SLC12A3: variants seen among roughly 807,000 people sequenced by gnomAD.
The protein encoded by SLC12A3 is Na-Cl cotransporter.
SLC12A3 carries 104 observed loss-of-function variants against 121.0 expected under a neutral mutation model. The ratio of observed to expected loss-of-function variants is 0.86; its 90% CI spans 0.73 to 1.01. The LOEUF (loss-of-function observed/expected upper bound fraction) is 1.01. Ranked by LOEUF, SLC12A3 falls within the 50% of genes least tolerant of loss-of-function variation. SLC12A3 has a pLI of 0.00. For missense variants in SLC12A3, 1,328 were observed against 1,356.3 expected, an observed-to-expected ratio of 0.98 and a Z score of 0.33; for synonymous variants, 536 against 533.4, an observed-to-expected ratio of 1.00 and a Z score of -0.07.
intron 16 of SLC12A3, among the ~76,000 whole-genome samples, chr16:56,886,688 AC>A (rs1433856501): frequency 6.6e-6 from 1 of 150,932 alleles, no homozygotes; most frequent in African/African-American, 2.4e-5. Context: ...CCAGCCAGGC[AC>A]CCCCCATGGA....
chr16:56,894,280 T>C (rs2055432477), intron 21 of SLC12A3, among the ~76,000 whole-genome samples: 1 of 152,106 alleles, frequency 6.6e-6, no homozygotes, highest in Non-Finnish European at 1.5e-5. Flanking sequence ...GCTGGGATTA[T>C]AGGCATGAGC....
intron 3 of SLC12A3, among the ~76,000 whole-genome samples, chr16:56,868,725 A>G (rs1964419353): frequency 6.6e-6 from 1 of 152,172 alleles, no homozygotes; most frequent in African/African-American, 2.4e-5. Context: ...TAATCCCAGC[A>G]CTTTGGGAGG....
At chr16:56,883,139 G>A (rs2055263230) in intron 13 of SLC12A3, among the ~76,000 whole-genome samples, 1 of 152,160 alleles carries the variant, frequency 6.6e-6, no homozygotes, top group Non-Finnish European at 1.5e-5. Context: ...AGCTAGGGCT[G>A]TCACAGACAG....
Position 56,878,463 on chromosome 16 carries a change from G to GTGA in SLC12A3, c.1180+325_1180+327dup, listed in dbSNP as rs34584723. 3.7e-3 allele frequency among the ~76,000 whole-genome samples: 564 copies of GTGA among 151,742 alleles called. 1 individual carries two copies. The highest frequency in any genetic ancestry group is 6.5e-3 in the Non-Finnish European group (444 of 67,928). On this transcript the variant is annotated intron_variant, in intron 9 of 25. Transcript: ENST00000563236. ...AAGATCCTACAGGACAAATCTAGGA[G>GTGA]TGATGATGATGATGATGATGATGAT... is the stretch of plus-strand genomic sequence containing the variant.
intron 15 of SLC12A3, 126 bp from the exon 16 acceptor site, chr16:56,886,238 C>T (rs2055308531): frequency 1.5e-6 from 1 of 674,082 alleles, no homozygotes; most frequent in Admixed American, 2.4e-5. Context: ...GAAGCCGAGG[C>T]CCCAAGCATG....
At chr16:56,871,966 G>T (rs1241997208) in intron 6 of SLC12A3, among the ~76,000 whole-genome samples, 1 of 151,886 alleles carries the variant, frequency 6.6e-6, no homozygotes. Flanking sequence ...CAGGTGATCC[G>T]CCCACCTCGG....
At chr16:56,912,092 C>T (rs1480057263) in intron 25 of SLC12A3, among the ~76,000 whole-genome samples, 1 of 152,266 alleles carries the variant, frequency 6.6e-6, no homozygotes, top group Non-Finnish European at 1.5e-5. Flanking sequence ...GTTCTCCCAC[C>T]TGTGAAGGAG....
chr16:56,899,987 A>T (rs2055516830), intron 23 of SLC12A3, among the ~76,000 whole-genome samples: 1 of 152,244 alleles, frequency 6.6e-6, no homozygotes, highest in South Asian at 2.1e-4. Context: ...CAGGTTCAGC[A>T]GGGACTGTTT....
rs1219150462 is a variant in SLC12A3, at chr16:56,894,644, T to A, written c.2633+2T>A. The A allele has an allele frequency of 5.0e-6, 8 of 1,611,480 alleles. No individual in the cohort carries two copies. Among genetic ancestry groups the A allele is most frequent in the Non-Finnish European group, 6.8e-6 (8 of 1,177,908 alleles). On this transcript the variant is annotated splice_donor_variant, in intron 22 of 25. Transcript: ENST00000563236. LOFTEE classifies it high-confidence loss of function. ...CAGGATGGACCAGGAGAGAAAGGCG[T>A]AAGTGTGGAGGGCTGGCCTGGGGGT...
At chr16:56,884,779 G>GT in intron 14 of SLC12A3, among the ~76,000 whole-genome samples, 1 of 152,162 alleles carries the variant, frequency 6.6e-6, no homozygotes, top group East Asian at 1.9e-4. Context: ...TTTGTGGGGG[G>GT]ACTGGGGTGC....
chr16:56,876,360 G>C (rs750720525), intron 8 of SLC12A3, among the ~76,000 whole-genome samples: 1 of 152,204 alleles, frequency 6.6e-6, no homozygotes, highest in Non-Finnish European at 1.5e-5. Context: ...CAATCCACTA[G>C]AGGCAGGGTG....
At position 56,892,264 on chromosome 16, in the gene SLC12A3, G is replaced by A. The variant is rs12443855; in HGVS notation, c.2419+131G>A. The A allele has an allele frequency of 0.56, 453,291 of 803,138 alleles. 129,415 individuals carry two copies. The highest frequency in any genetic ancestry group is 0.66 in the African/African-American group (39,376 of 59,486). 49.8% of individuals were successfully genotyped at this position (803,138 alleles called of 1,614,324 possible). Reference sequence around the variant, plus strand: ...AGGACAGGTGGTTTTTTCTTGTGACGGTGGTGCCTGAGTAACTGGAGTTGG... The same window carrying A: ...AGGACAGGTGGTTTTTTCTTGTGACAGTGGTGCCTGAGTAACTGGAGTTGG... On this transcript the variant is annotated intron_variant, in intron 20 of 25. Transcript: ENST00000563236.
At chr16:56,868,419 A>G (rs2144685498) in intron 3 of SLC12A3, 47 bp downstream of exon 3, 9 of 1,548,516 alleles carry the variant, frequency 5.8e-6, no homozygotes, top group Non-Finnish European at 7.9e-6. Flanking sequence ...CCTGAATCCC[A>G]TTCTTCCCAG....
intron 25 of SLC12A3, among the ~76,000 whole-genome samples, chr16:56,910,439 C>A (rs2055670561): frequency 6.6e-6 from 1 of 152,144 alleles, no homozygotes; most frequent in African/African-American, 2.4e-5. Flanking sequence ...GGGACTCAAA[C>A]AATCCTCCTA....
At chr16:56,909,193 T>G (rs756426764) in intron 25 of SLC12A3, among the ~76,000 whole-genome samples, 2 of 152,012 alleles carry the variant, frequency 1.3e-5, no homozygotes, top group Admixed American at 6.6e-5. Flanking sequence ...GCATAGTGGC[T>G]CATGCCTGTA....
At chr16:56,886,497 A>C (rs758921136) in intron 16 of SLC12A3, 22 bp downstream of exon 16, 2 of 1,584,524 alleles carry the variant, frequency 1.3e-6, no homozygotes, top group Non-Finnish European at 1.7e-6. Context: ...CTGGAGGGGC[A>C]CAGGGGACCA....
At chr16:56,895,206 T>G (rs2055446010) in intron 22 of SLC12A3, among the ~76,000 whole-genome samples, 1 of 147,090 alleles carries the variant, frequency 6.8e-6, no homozygotes, top group Non-Finnish European at 1.5e-5. Flanking sequence ...TTTTTTTTTT[T>G]TTTGAGATGG....
Position 56,913,267 on chromosome 16 carries a change from T to G in SLC12A3, c.2928T>G (p.Thr976=). 6.2e-7 allele frequency: 1 copy of G among 1,614,114 alleles called. No homozygotes were observed. Among genetic ancestry groups the G allele is most frequent in the Non-Finnish European group, 8.5e-7 (1 of 1,180,012 alleles). Reference sequence around the variant, plus strand: ...ACCACTTTTTCATGCCTTGCAGCACTTTGCCCATAGGGAGGAAGGGGAAGT... The same window carrying G: ...ACCACTTTTTCATGCCTTGCAGCACGTTGCCCATAGGGAGGAAGGGGAAGT... The part of the protein sequence containing the change: ...YSRDAALIVI[T]LPIGRKGKCP... The change falls in exon 26 of 26, where the codon ACT becomes ACG. Residue 976 remains threonine, a synonymous_variant. Transcript: ENST00000563236.
intron 12 of SLC12A3, among the ~76,000 whole-genome samples, chr16:56,881,690 T>C (rs1007157328): frequency 2.0e-5 from 3 of 151,980 alleles, no homozygotes; most frequent in Middle Eastern, 3.2e-3. Context: ...CTTGGGTGGG[T>C]TACCACTGGG....
Sources: allele counts gnomAD v4.1 joint callset (sites outside exome capture counted in the v4.1 genomes callset), GRCh38; gene constraint gnomAD v4.1.1; transcripts MANE v1.5; gene names NCBI Gene and HGNC (gene_info 2026-07-23, HGNC 2026-07-21).